CSMD3: variants seen among roughly 807,000 people sequenced by gnomAD.
CSMD3 encodes CUB and Sushi multiple domains 3.
CSMD3 carries 177 observed loss-of-function variants against 435.2 expected under a neutral mutation model. The ratio of observed to expected loss-of-function variants is 0.41; its 90% CI spans 0.36 to 0.46. CSMD3 has a LOEUF of 0.46. Ranked by LOEUF, CSMD3 falls within the 20% of genes least tolerant of loss-of-function variation. The pLI is 0.34. For synonymous variants in CSMD3, 1,656 were observed against 1,520.5 expected (o/e 1.09, Z -2.07); for missense variants, 4,265 against 4,504.6 (o/e 0.95, Z 1.52).
intron 1 of CSMD3, 27 bp downstream of exon 1, chr8:113,436,650 C>A (rs2130149625): frequency 6.2e-7 from 1 of 1,611,602 alleles, no homozygotes; most frequent in East Asian, 2.2e-5. Flanking sequence ...CCATCCAAAG[C>A]GGAGGGGACC....
chr8:113,107,958 A>G (rs1358500776), intron 4 of CSMD3, among the ~76,000 whole-genome samples: 4 of 152,206 alleles, frequency 2.6e-5, no homozygotes, highest in Non-Finnish European at 5.9e-5. Flanking sequence ...AAATAAATGA[A>G]TATAAGTATT....
chr8:112,619,658 G>T (rs1407739352), intron 22 of CSMD3, among the ~76,000 whole-genome samples: 1 of 152,010 alleles, frequency 6.6e-6, no homozygotes, highest in African/African-American at 2.4e-5. Context: ...ATCCATTTGT[G>T]TTCCTAAGGC....
intron 24 of CSMD3, among the ~76,000 whole-genome samples, chr8:112,572,535 C>G (rs567047654): frequency 1.3e-5 from 2 of 152,016 alleles, no homozygotes; most frequent in South Asian, 4.2e-4. Context: ...ATACTGTAAC[C>G]TTTTTAACTT....
chr8:112,727,526 TC>T (rs2076991385), intron 13 of CSMD3, among the ~76,000 whole-genome samples: 1 of 151,878 alleles, frequency 6.6e-6, no homozygotes, highest in African/African-American at 2.4e-5. Flanking sequence ...GCTTCAAGAT[TC>T]TTAATGACTT....
chr8:113,062,046 T>A (rs983888565), intron 5 of CSMD3, among the ~76,000 whole-genome samples: 1 of 151,866 alleles, frequency 6.6e-6, no homozygotes, highest in African/African-American at 2.4e-5. Context: ...TGTCTATTGT[T>A]AATTCTATTA....
intron 18 of CSMD3, among the ~76,000 whole-genome samples, chr8:112,651,668 G>T (rs771895361): frequency 6.6e-6 from 1 of 151,920 alleles, no homozygotes; most frequent in African/African-American, 2.4e-5. Context: ...CTCCCGAGTA[G>T]CTGGGACTAC....
intron 13 of CSMD3, among the ~76,000 whole-genome samples, chr8:112,714,369 G>T (rs185067783): frequency 6.6e-5 from 10 of 152,048 alleles, no homozygotes; most frequent in Non-Finnish European, 1.3e-4. Flanking sequence ...TCAATATGAA[G>T]AGCTAACTAT....
chr8:112,841,195 A>C (rs2080169876), intron 11 of CSMD3, among the ~76,000 whole-genome samples: 1 of 151,638 alleles, frequency 6.6e-6, no homozygotes, highest in Admixed American at 6.6e-5. Context: ...TATTTGAATA[A>C]ATCTCAAAGG....
At chr8:113,013,358 G>A (rs957803261) in intron 6 of CSMD3, among the ~76,000 whole-genome samples, 2 of 151,960 alleles carry the variant, frequency 1.3e-5, no homozygotes, top group Non-Finnish European at 2.9e-5. Context: ...ATTTTTCATA[G>A]TTAGAATGTG....
At chr8:112,342,917 C>A (rs1349102616) in intron 41 of CSMD3, among the ~76,000 whole-genome samples, 1 of 143,552 alleles carries the variant, frequency 7.0e-6, no homozygotes, top group Non-Finnish European at 1.5e-5. Context: ...CAAACATTTT[C>A]CAAAATTGTT....
intron 3 of CSMD3, among the ~76,000 whole-genome samples, chr8:113,244,257 T>A (rs2093252408): frequency 6.6e-6 from 1 of 152,188 alleles, no homozygotes; most frequent in South Asian, 2.1e-4. Context: ...TATATGACCT[T>A]TTCATTATGA....
At chr8:112,411,299 T>G (rs1718370121) in intron 32 of CSMD3, among the ~76,000 whole-genome samples, 1 of 151,890 alleles carries the variant, frequency 6.6e-6, no homozygotes, top group African/African-American at 2.4e-5. Context: ...CATGCTCTTT[T>G]AAGTGTTAAT....
intron 1 of CSMD3, among the ~76,000 whole-genome samples, chr8:113,357,014 T>C (rs1295290548): frequency 6.6e-6 from 1 of 152,160 alleles, no homozygotes; most frequent in Admixed American, 6.5e-5. Flanking sequence ...AACAGAGAGA[T>C]ACTTAAAAAC....
At chr8:113,101,836 T>A (rs1369218529) in intron 4 of CSMD3, among the ~76,000 whole-genome samples, 1 of 152,072 alleles carries the variant, frequency 6.6e-6, no homozygotes, top group African/African-American at 2.4e-5. Context: ...GTGAAATAGG[T>A]AAACTTTTCT....
chr8:113,343,180 T>TA (rs528269670), intron 1 of CSMD3, among the ~76,000 whole-genome samples: 1 of 151,860 alleles, frequency 6.6e-6, no homozygotes, highest in South Asian at 2.1e-4. Flanking sequence ...TACTCTAAAG[T>TA]AGCTACTTTT....
chr8:112,554,461 T>C (rs561547484), intron 25 of CSMD3, among the ~76,000 whole-genome samples: 1 of 152,174 alleles, frequency 6.6e-6, no homozygotes, highest in Non-Finnish European at 1.5e-5. Context: ...AACATAATTG[T>C]ATTAATTCAT....
intron 6 of CSMD3, among the ~76,000 whole-genome samples, chr8:113,001,391 T>C (rs1564195633): frequency 6.6e-6 from 1 of 152,054 alleles, no homozygotes; most frequent in Non-Finnish European, 1.5e-5. Flanking sequence ...TTGTTAAGCT[T>C]TTTCCTCTGC....
chr8:113,241,405 A>AC (rs1364663298), intron 3 of CSMD3, among the ~76,000 whole-genome samples: 46 of 152,206 alleles, frequency 3.0e-4, no homozygotes, highest in Admixed American at 3.0e-3. Context: ...AAGATAAGAG[A>AC]GAAATAACAA....
intron 13 of CSMD3, among the ~76,000 whole-genome samples, chr8:112,728,369 A>C (rs563919307): frequency 6.6e-6 from 1 of 152,126 alleles, no homozygotes; most frequent in East Asian, 1.9e-4. Context: ...AATTAAAATA[A>C]GTTATATATC....
Sources: allele counts gnomAD v4.1 joint callset (sites outside exome capture counted in the v4.1 genomes callset), GRCh38; gene constraint gnomAD v4.1.1; transcripts MANE v1.5; gene names NCBI Gene and HGNC (gene_info 2026-07-23, HGNC 2026-07-21).